Variants in PECAM1 observed in about 807,000 individuals in gnomAD.
PECAM1 encodes platelet and endothelial cell adhesion molecule 1, also known as platelet endothelial cell adhesion molecule.
A neutral mutation model predicts 13.8 loss-of-function variants in PECAM1; 8 were observed. That is an observed-to-expected ratio of 0.58 (90% CI 0.34 to 1.05). The LOEUF is 1.05. Ranked by LOEUF, PECAM1 falls within the 50% of genes least tolerant of loss-of-function variation. The probability of loss-of-function intolerance (pLI) is 0.03; values close to 1 mark genes in which losing one functional copy is unlikely to be tolerated. For synonymous variants in PECAM1, 136 were observed against 52.6 expected, an observed-to-expected ratio of 2.58 and a Z score of -6.86; for missense variants, 304 against 141.2, an observed-to-expected ratio of 2.15 and a Z score of -5.84.
chr17:64,376,658 T>C (rs7224316), intron 3 of PECAM1, among the ~76,000 whole-genome samples: 122,229 of 152,168 alleles, frequency 0.8, 54,829 homozygotes, highest in East Asian at 1. Flanking sequence ...TGTGTAAGAA[T>C]GGATGGCAAT....
chr17:64,390,108 A>T (rs1211750211), intron 2 of PECAM1: 3 of 216,262 alleles, frequency 1.4e-5, no homozygotes, highest in African/African-American at 6.8e-5. Context: ...GCCATCTTTT[A>T]AAAAAGTAAT....
At chr17:64,390,003 G>A (rs1180240865) in intron 2 of PECAM1, among the ~76,000 whole-genome samples, 2 of 151,210 alleles carry the variant, frequency 1.3e-5, no homozygotes, top group African/African-American at 4.9e-5. Flanking sequence ...AGCCGGGATT[G>A]CACCACTGCA....
At chr17:64,339,484 T>C (rs2035370882) in intron 14 of PECAM1, among the ~76,000 whole-genome samples, 3 of 151,838 alleles carry the variant, frequency 2.0e-5, no homozygotes, top group Admixed American at 2.0e-4. Flanking sequence ...TCTTCAGCAG[T>C]GTCCAAGAAA....
At chr17:64,347,536 A>G (rs2035601736) in intron 13 of PECAM1, among the ~76,000 whole-genome samples, 11 of 132,934 alleles carry the variant, frequency 8.3e-5, no homozygotes, top group Admixed American at 8.1e-4. Context: ...CTCAACAAAG[A>G]AAAAAAAAAT....
intron 14 of PECAM1, among the ~76,000 whole-genome samples, chr17:64,331,254 T>G (rs2035110198): frequency 6.6e-6 from 1 of 151,494 alleles, no homozygotes; most frequent in South Asian, 2.1e-4. Flanking sequence ...TGGAGTGCAG[T>G]GGCTCACTGC....
chr17:64,339,535 T>C (rs1312432078), intron 14 of PECAM1, among the ~76,000 whole-genome samples: 8 of 151,080 alleles, frequency 5.3e-5, no homozygotes, highest in Non-Finnish European at 8.9e-5. Context: ...AGAAGGGGCA[T>C]TTTTGTACAA....
intron 14 of PECAM1, among the ~76,000 whole-genome samples, chr17:64,331,922 A>G (rs1286390233): frequency 6.6e-6 from 1 of 152,232 alleles, no homozygotes; most frequent in African/African-American, 2.4e-5. Flanking sequence ...CCTCAGTCTT[A>G]TCGAGAAAAG....
At chr17:64,341,226 T>A (rs1192479783) in intron 14 of PECAM1, among the ~76,000 whole-genome samples, 1 of 150,684 alleles carries the variant, frequency 6.6e-6, no homozygotes, top group Non-Finnish European at 1.5e-5. Flanking sequence ...ATTGCACCAC[T>A]GCACTCCAGC....
At chr17:64,346,032 G>A (rs1454821943) in intron 13 of PECAM1, among the ~76,000 whole-genome samples, 2 of 152,216 alleles carry the variant, frequency 1.3e-5, no homozygotes. Flanking sequence ...GGACCCCATT[G>A]CCATGTGGTC....
intron 3 of PECAM1, among the ~76,000 whole-genome samples, chr17:64,376,455 C>A (rs1166394219): frequency 2.6e-5 from 4 of 152,134 alleles, no homozygotes; most frequent in Non-Finnish European, 5.9e-5. Context: ...GGAAAGGTAG[C>A]CAGTATTTGT....
chr17:64,348,499 C>G (rs1481058365), intron 12 of PECAM1, among the ~76,000 whole-genome samples, 177 bp from the exon 13 acceptor site: 1 of 151,652 alleles, frequency 6.6e-6, no homozygotes, highest in Non-Finnish European at 1.5e-5. Flanking sequence ...CCTCCACCTC[C>G]CGGGTTCAAG....
intron 14 of PECAM1, among the ~76,000 whole-genome samples, chr17:64,340,394 G>C (rs2035395288): frequency 6.6e-6 from 1 of 152,008 alleles, no homozygotes; most frequent in Non-Finnish European, 1.5e-5. Context: ...CGCCTAGCCT[G>C]AGTAGCCACC....
chr17:64,336,278 A>AAAAG (rs1555647687), intron 14 of PECAM1, among the ~76,000 whole-genome samples: 12 of 149,152 alleles, frequency 8.0e-5, no homozygotes, highest in African/African-American at 2.8e-4. Context: ...AAAAAAAAAA[A>AAAAG]AAAGAAAGAA....
chr17:64,375,858 A>G (rs2036345311), intron 3 of PECAM1, among the ~76,000 whole-genome samples: 3 of 151,740 alleles, frequency 2.0e-5, no homozygotes, highest in African/African-American at 7.3e-5. Flanking sequence ...AAAATATAAA[A>G]TATGCTCAAT....
chr17:64,381,635 A>G (rs1365488535), intron 2 of PECAM1, among the ~76,000 whole-genome samples: 2 of 152,212 alleles, frequency 1.3e-5, no homozygotes, highest in East Asian at 1.9e-4. Context: ...TTTAACAACA[A>G]CAACGACAAC....
intron 14 of PECAM1, among the ~76,000 whole-genome samples, chr17:64,339,202 C>T (rs1159658953): frequency 7.2e-5 from 11 of 151,998 alleles, no homozygotes; most frequent in African/African-American, 1.4e-4. Flanking sequence ...TTCTACCACC[C>T]GACTTTCCCA....
Position 64,387,341 on chromosome 17 carries a change from G to C in PECAM1, c.91+3148C>G, listed in dbSNP as rs1044118414. ...CGAGGCGTGTCTGAGAGGTGAGGTG[G>C]GTAGGCACAGATTATAAACTAACTT... On this transcript the variant is annotated intron_variant, in intron 2 of 15. Transcript: ENST00000563924. Among the ~76,000 whole-genome samples the C allele has an allele frequency of 2.0e-3, 311 of 152,162 alleles. 4 individuals are homozygous for C. Among genetic ancestry groups the C allele is most frequent in the Non-Finnish European group, 1.1e-3 (76 of 68,006 alleles).
intron 13 of PECAM1, among the ~76,000 whole-genome samples, chr17:64,343,452 T>C (rs1244961453): frequency 2.0e-5 from 3 of 152,148 alleles, no homozygotes; most frequent in Non-Finnish European, 4.4e-5. Context: ...AACACACCGA[T>C]GTGACTTGTT....
intron 14 of PECAM1, among the ~76,000 whole-genome samples, chr17:64,338,039 A>G (rs2035328238): frequency 6.6e-6 from 1 of 151,148 alleles, no homozygotes; most frequent in Admixed American, 6.6e-5. Context: ...AAAGGAAGAA[A>G]ATTAAGTTTT....
Sources: gnomAD v4.1 joint callset for allele counts (sites outside exome capture counted in the v4.1 genomes callset) on GRCh38, gnomAD v4.1.1 for gene constraint, MANE v1.5 for transcripts, NCBI Gene and HGNC (gene_info 2026-07-23, HGNC 2026-07-21) for gene names.